The following SPOP variants were observed in gnomAD, a reference collection of about 807,000 sequenced individuals.
SPOP encodes speckle-type POZ protein.
Under a neutral mutation model 45.6 loss-of-function variants are expected in SPOP, and 11 were observed. That is an observed-to-expected ratio of 0.24 (90% CI 0.15 to 0.40). The LOEUF (loss-of-function observed/expected upper bound fraction) is 0.40. Among genes scored for constraint, SPOP ranks in the 10% least tolerant of loss-of-function variants. The pLI, the probability that SPOP is intolerant of heterozygous loss-of-function variation, is 1.00. For synonymous variants in SPOP, 166 were observed against 166.3 expected, an observed-to-expected ratio of 1.00 and a Z score of 0.01; for missense variants, 152 against 465.6, an observed-to-expected ratio of 0.33 and a Z score of 6.20.
Position 49,619,970 on chromosome 17 carries a change from C to T in SPOP, c.201-585G>A, listed in dbSNP as rs1460593972. 6.6e-6 allele frequency among the ~76,000 whole-genome samples: 1 copy of T among 151,204 alleles called. No individual in the cohort carries two copies. The highest frequency in any genetic ancestry group is 2.0e-4 in the East Asian group (1 of 5,096). On this transcript the variant is annotated intron_variant, in intron 3 of 9. Transcript: ENST00000504102. The surrounding 1 kb of genome is among the most constrained non-coding windows in gnomAD (Gnocchi z 4.9). ...GGTCAGGACTTCGAGGCCAGCCTGG[C>T]CAACGTGGTGAAACCCCGTCTCTAC...
At chr17:49,658,761 A>G (rs2072948652) in intron 1 of SPOP, among the ~76,000 whole-genome samples, 1 of 152,226 alleles carries the variant, frequency 6.6e-6, no homozygotes. Flanking sequence ...TCTCTGGTCA[A>G]CAGATTTGAG....
chr17:49,677,517 T>G (rs1485194369), intron 1 of SPOP, among the ~76,000 whole-genome samples: 1 of 152,234 alleles, frequency 6.6e-6, no homozygotes, highest in Non-Finnish European at 1.5e-5. Context: ...GGCGGACTCG[T>G]GCTCCACCGG....
chr17:49,643,827 G>A (rs2072703993), intron 1 of SPOP, among the ~76,000 whole-genome samples: 1 of 151,988 alleles, frequency 6.6e-6, no homozygotes, highest in Non-Finnish European at 1.5e-5. Flanking sequence ...CTACTTGGGA[G>A]GCTGAGGAAG....
rs1202793853 is a variant in SPOP at position 49,600,936 on chromosome 17, T to A, written c.981-414A>T. On this transcript the variant is annotated intron_variant, in intron 9 of 9. Coordinates refer to ENST00000504102, the MANE Select transcript of SPOP (RefSeq NM_001007228.2). This position sits in a 1 kb window ranked among gnomAD's most constrained non-coding sequence, Gnocchi z 4.2. Reference sequence around the variant, plus strand: ...TCAGAGCCTGGGGCCTACTTGATTATCAAAAAAGAGGGGAGGATAACCATA... The same window carrying A: ...TCAGAGCCTGGGGCCTACTTGATTAACAAAAAAGAGGGGAGGATAACCATA... The A allele has an allele frequency of 3.5e-5, 6 of 171,514 alleles. No homozygotes were observed. Among genetic ancestry groups the A allele is most frequent in the African/African-American group, 1.4e-4 (6 of 42,138 alleles). 10.6% of individuals were successfully genotyped at this position (171,514 alleles called of 1,614,324 possible).
rs1319113834 is a variant in SPOP at position 49,601,834 on chromosome 17, T to C, written c.980+31A>G. The stretch of plus-strand genomic sequence containing the variant: ...CATTTCTTCAGCTATCCAACTATTT[T>C]GAAAGAAGAACTTTGAAGATGCCAA... On this transcript the variant is annotated intron_variant, in intron 9 of 9. Transcript: ENST00000504102. 5.6e-6 allele frequency: 9 copies of C among 1,610,204 alleles called. No homozygotes were observed. The Admixed American group carries it at 1.5e-4, about 27-fold the overall frequency.
In SPOP at chr17:49,619,526, G is replaced by T; in HGVS notation, c.201-141C>A. The T allele has an allele frequency of 2.0e-6, 2 of 983,142 alleles. No homozygotes were observed. Among genetic ancestry groups the T allele is most frequent in the Non-Finnish European group, 2.9e-6 (2 of 687,468 alleles). 60.9% of individuals were successfully genotyped at this position (983,142 alleles called of 1,614,324 possible). ...ATAATTCAGTAGAATGACTAGTTGG[G>T]AACAACTTTTTTCTCTTTTTTTTTG... is the stretch of plus-strand genomic sequence containing the variant. On this transcript the variant is annotated intron_variant, in intron 3 of 9. Coordinates refer to ENST00000504102, the MANE Select transcript of SPOP (RefSeq NM_001007228.2). The surrounding 1 kb of genome is among the most constrained non-coding windows in gnomAD (Gnocchi z 4.9).
Position 49,600,200 on chromosome 17 carries a change from C to A in SPOP, c.*178G>T. 1 of 793,550 alleles carries A rather than the reference C, an allele frequency of 1.3e-6. No individual in the cohort carries two copies. Among genetic ancestry groups the A allele is most frequent in the Non-Finnish European group, 2.0e-6 (1 of 492,866 alleles). 49.2% of individuals were successfully genotyped at this position (793,550 alleles called of 1,614,324 possible). A position where few individuals can be genotyped will look rare whatever the true frequency, so the allele number is the denominator to read the frequency against. On this transcript the variant is annotated 3_prime_UTR_variant, in exon 10 of 10. Transcript: ENST00000504102. This position sits in a 1 kb window ranked among gnomAD's most constrained non-coding sequence, Gnocchi z 4.2. ...ACAGGGTTTTCATTTCATTTTCCCT[C>A]CCCCCGTTTCCCCCAAGTTATTTAG...
At position 49,639,259 on chromosome 17, in the gene SPOP, A is replaced by G. The variant is rs114184068; in HGVS notation, c.-66-16383T>C. On this transcript the variant is annotated intron_variant, in intron 1 of 9. Transcript: ENST00000504102. Reference sequence around the variant, plus strand: ...TTAAGCTTAAGGTTTGGGTTTCTCAAAATTTAAAGCATCTGACAAAACTGG... The same window carrying G: ...TTAAGCTTAAGGTTTGGGTTTCTCAGAATTTAAAGCATCTGACAAAACTGG... Among the ~76,000 whole-genome samples, 144 of 152,312 alleles carry G rather than the reference A, an allele frequency of 9.5e-4. 1 individual carries two copies. Among genetic ancestry groups the G allele is most frequent in the African/African-American group, 3.4e-3 (142 of 41,576 alleles).
intron 1 of SPOP, 53 bp from the exon 2 acceptor site, chr17:49,622,929 C>T: frequency 1.2e-6 from 1 of 818,208 alleles, no homozygotes. Context: ...AGATACGATC[C>T]TAACTATTGT....
At position 49,600,699 on chromosome 17, in the gene SPOP, T is replaced by G. The variant is rs980332162; in HGVS notation, c.981-177A>C. The G allele has an allele frequency of 9.3e-6, 6 of 647,232 alleles. No individual in the cohort carries two copies. The highest frequency in any genetic ancestry group is 3.5e-4 in the Middle Eastern group (1 of 2,886). 40.1% of individuals were successfully genotyped at this position (647,232 alleles called of 1,614,324 possible). On this transcript the variant is annotated intron_variant, in intron 9 of 9. Coordinates refer to ENST00000504102, the MANE Select transcript of SPOP (RefSeq NM_001007228.2). This position sits in a 1 kb window ranked among gnomAD's most constrained non-coding sequence, Gnocchi z 4.2. ...TTAGACAATGAGCAGACTGGTGACT[T>G]GCCTGTGGCTGTCGTCATCTGAAAA...
At chr17:49,624,595 A>G (rs2072292361) in intron 1 of SPOP, among the ~76,000 whole-genome samples, 1 of 152,080 alleles carries the variant, frequency 6.6e-6, no homozygotes, top group Non-Finnish European at 1.5e-5. Flanking sequence ...CAGCCTCCTG[A>G]GTAGCTAGGA....
intron 5 of SPOP, among the ~76,000 whole-genome samples, chr17:49,614,916 C>T (rs962680835): frequency 4.6e-5 from 7 of 150,918 alleles, no homozygotes; most frequent in Non-Finnish European, 1.0e-4. Flanking sequence ...GCAGTGGTAG[C>T]GGTGTGATCA....
intron 1 of SPOP, among the ~76,000 whole-genome samples, chr17:49,645,040 T>G (rs1381463848): frequency 6.6e-6 from 1 of 152,158 alleles, no homozygotes; most frequent in Non-Finnish European, 1.5e-5. Context: ...TTAGAAAAGC[T>G]AAAGATTGCT....
intron 1 of SPOP, among the ~76,000 whole-genome samples, chr17:49,669,620 C>G (rs1306354664): frequency 1.3e-5 from 2 of 150,352 alleles, no homozygotes; most frequent in Non-Finnish European, 3.0e-5. Context: ...CAAAAATTAG[C>G]TGGGCGTGGT....
intron 1 of SPOP, among the ~76,000 whole-genome samples, chr17:49,645,389 T>C (rs969272071): frequency 2.6e-5 from 4 of 151,880 alleles, no homozygotes; most frequent in African/African-American, 9.7e-5. Context: ...AACCTCTGCC[T>C]CCCAGATTCA....
chr17:49,617,718 G>A (rs1363681730), intron 5 of SPOP, among the ~76,000 whole-genome samples: 1 of 152,040 alleles, frequency 6.6e-6, no homozygotes, highest in East Asian at 1.9e-4. Flanking sequence ...GAGGTCAGGA[G>A]TTCGAGACCA....
At chr17:49,615,990 T>G (rs2072077553) in intron 5 of SPOP, among the ~76,000 whole-genome samples, 1 of 152,146 alleles carries the variant, frequency 6.6e-6, no homozygotes, top group Non-Finnish European at 1.5e-5. Context: ...TCCAAATAAG[T>G]TAACTAAGCA....
At chr17:49,677,470 T>C (rs549850077) in intron 1 of SPOP, among the ~76,000 whole-genome samples, 2 of 152,326 alleles carry the variant, frequency 1.3e-5, no homozygotes, top group South Asian at 2.1e-4. Context: ...ACAGGCTCAT[T>C]ATCTGGCAGC....
At chr17:49,626,080 G>C (rs8072037) in intron 1 of SPOP, among the ~76,000 whole-genome samples, 28,629 of 152,000 alleles carry the variant, frequency 0.19, 2,824 homozygotes, top group East Asian at 0.35. Flanking sequence ...ATATACAAGG[G>C]AGAAATTTCC....
Sources: allele counts gnomAD v4.1 joint callset (sites outside exome capture counted in the v4.1 genomes callset), GRCh38; gene constraint gnomAD v4.1.1; non-coding constraint Gnocchi (gnomAD v3.1); transcripts MANE v1.5; gene names NCBI Gene and HGNC (gene_info 2026-07-23, HGNC 2026-07-21).